The following LYG2 variants were observed in gnomAD, a reference collection of about 807,000 sequenced individuals.
LYG2 encodes the protein lysozyme g-like protein 2.
A neutral mutation model predicts 22.4 loss-of-function variants in LYG2; 25 were observed. The ratio of observed to expected loss-of-function variants is 1.12; its 90% CI spans 0.81 to 1.56. LYG2 has a LOEUF of 1.56. Ranked by LOEUF, LYG2 falls within the 40% of genes most tolerant of loss-of-function variation. The pLI is 0.00. For synonymous variants in LYG2, 88 were observed against 97.0 expected (o/e 0.91, Z 0.55); for missense variants, 266 against 269.5 (o/e 0.99, Z 0.09).
chr2:99,245,195 C>G, intron 5 of LYG2, 67 bp downstream of exon 5: 1 of 1,455,990 alleles, frequency 6.9e-7, no homozygotes, highest in Non-Finnish European at 9.1e-7. Context: ...AAATGGATTT[C>G]TAGTTCAGGT....
At chr2:99,248,607 T>G (rs2094020652) in intron 3 of LYG2, among the ~76,000 whole-genome samples, 1 of 138,196 alleles carries the variant, frequency 7.2e-6, no homozygotes, top group East Asian at 2.5e-4. Flanking sequence ...GGGGGAGGGA[T>G]AGCATTAGGA....
chr2:99,245,302 T>C lies in LYG2; in HGVS notation c.341A>G (p.Asp114Gly), dbSNP rs755392430. The change falls in exon 5 of 7, where the codon GAC becomes GGC. Residue 114 changes from aspartate (D) to glycine (G), a missense_variant. Asp to Gly is a moderately conservative substitution (Grantham distance 94). Coordinates refer to ENST00000333017, the MANE Select transcript of LYG2 (RefSeq NM_175735.4). ...TTTAAGTCCCCTGTGGTCCCAGCCG[T>C]CTTGCAGGACAGATCCGCCATGGCT... ...RESHGGSVLQ[D>G]GWDHRGLKFG... 8 of 1,609,864 alleles carry C rather than the reference T, an allele frequency of 5.0e-6. No individual in the cohort carries two copies. Among genetic ancestry groups the C allele is most frequent in the Non-Finnish European group, 5.9e-6 (7 of 1,177,994 alleles).
In LYG2 at chr2:99,242,401, A is replaced by G. The variant is rs199699326; in HGVS notation, c.602T>C (p.Ile201Thr). ...DIDNDFVNDI[I>T]ARAKFYKRQS... ...TCTTTTATAGAACTTAGCTCGAGCA[A>G]TGATATCATTGACGAAGTCATTGTC... Residue 201 changes from isoleucine to threonine, a missense_variant, in exon 7 of 7, where the codon ATT (isoleucine) becomes ACT (threonine). Physicochemically the swap from Ile to Thr is moderately conservative, Grantham distance 89. Coordinates refer to ENST00000333017, the MANE Select transcript of LYG2 (RefSeq NM_175735.4). 2.0e-5 allele frequency: 33 copies of G among 1,613,792 alleles called. No homozygotes were observed. The East Asian group carries it at 6.5e-4, about 32-fold the overall frequency.
Position 99,244,114 on chromosome 2 carries a change from A to C in LYG2, c.405T>G (p.Pro135=). The change falls in exon 6 of 7, where the codon CCT becomes CCG. Residue 135 remains proline (P), a synonymous_variant. Transcript: ENST00000333017. ...GCTCTTTGCTATCCCAGGCACCGAC[A>C]GGGTGGTACGTTTGTTTATCAAGCT... is the stretch of plus-strand genomic sequence containing the variant. ...LMQLDKQTYH[P]VGAWDSKEHL... The C allele has an allele frequency of 3.7e-6, 6 of 1,613,778 alleles. No individual in the cohort carries two copies. Among genetic ancestry groups the C allele is most frequent in the Non-Finnish European group, 5.1e-6 (6 of 1,179,902 alleles).
intron 6 of LYG2, chr2:99,243,693 CTTTTTTTTTTT>C (rs999579137): frequency 1.3e-4 from 20 of 157,102 alleles, no homozygotes; most frequent in Middle Eastern, 3.0e-3. Context: ...CCATGCCCAG[CTTTTTTTTTTT>C]TTTTTTTTTT....
At chr2:99,261,475 G>A in the LYG2 span, among the ~76,000 whole-genome samples, 1 of 152,182 alleles carries the variant, frequency 6.6e-6, no homozygotes, top group African/African-American at 2.4e-5. Context: ...GCTTCCTGCA[G>A]TCTTGATTTC....
chr2:99,246,495 TG>T (rs1348155122), intron 4 of LYG2, among the ~76,000 whole-genome samples, 184 bp downstream of exon 4: 3 of 152,152 alleles, frequency 2.0e-5, no homozygotes, highest in African/African-American at 7.2e-5. Flanking sequence ...TTGGAAAGAA[TG>T]GGGGTGGAAA....
intron 3 of LYG2, among the ~76,000 whole-genome samples, chr2:99,250,254 T>C (rs2094023665): frequency 6.6e-6 from 1 of 152,012 alleles, no homozygotes; most frequent in Non-Finnish European, 1.5e-5. Context: ...CAGCAGAATA[T>C]ATAGCGAGTT....
upstream of LYG2, among the ~76,000 whole-genome samples, chr2:99,258,245 A>G (rs2094040120): frequency 6.6e-6 from 1 of 152,236 alleles, no homozygotes. Context: ...CATCTGTAAA[A>G]TGGAGATGAT....
At chr2:99,245,155 C>T (rs997215881) in intron 5 of LYG2, 107 bp downstream of exon 5, 98 of 1,262,740 alleles carry the variant, frequency 7.8e-5, no homozygotes, top group Non-Finnish European at 1.0e-4. Flanking sequence ...TAGCCAGATG[C>T]CAGGGTATTT....
the LYG2 span, among the ~76,000 whole-genome samples, chr2:99,261,365 A>C: frequency 6.6e-6 from 1 of 152,042 alleles, no homozygotes; most frequent in Non-Finnish European, 1.5e-5. Flanking sequence ...CTCTTACCTT[A>C]CCTCTAACTC....
In LYG2 at chr2:99,245,457, C is replaced by T. The variant is rs142190861; in HGVS notation, c.186G>A (p.Gly62=). ...CAGCAAACATTTCAGAACCACGGAT[C>T]CCTACGTCAATAGAAAAGAAACTGT... ...TCDANSVMNC[G]IRGSEMFAEM... is the part of the protein sequence containing the mutation. Residue 62 remains glycine (G), a splice_region_variant and synonymous_variant, in exon 5 of 7, where the codon GGG becomes GGA. Transcript: ENST00000333017. The T allele has an allele frequency of 3.8e-6, 6 of 1,586,912 alleles. No individual in the cohort carries two copies. Among genetic ancestry groups the T allele is most frequent in the South Asian group, 2.3e-5 (2 of 88,660 alleles).
At position 99,245,251 on chromosome 2, in the gene LYG2, T is replaced by C. The variant is rs1419875283; in HGVS notation, c.381+11A>G. The C allele has an allele frequency of 6.3e-7, 1 of 1,580,544 alleles. No homozygotes were observed. Among genetic ancestry groups the C allele is most frequent in the Non-Finnish European group, 8.6e-7 (1 of 1,160,682 alleles). Reference sequence around the variant, plus strand: ...TGCAGTGGGGCTGATAGAAAGTTTCTAGCTAAATACCTGCATCAAGCCAAA... The same window carrying C: ...TGCAGTGGGGCTGATAGAAAGTTTCCAGCTAAATACCTGCATCAAGCCAAA... On this transcript the variant is annotated intron_variant, in intron 5 of 6. Transcript: ENST00000333017.
chr2:99,245,204 G>A lies in LYG2; in HGVS notation c.381+58C>T, dbSNP rs1200041978. 70 of 1,481,010 alleles carry A rather than the reference G, an allele frequency of 4.7e-5. No individual in the cohort carries two copies. The East Asian group carries it at 1.6e-3, about 34-fold the overall frequency. The allele number at this position is 1,481,010 out of a possible 1,614,324, so 91.7% of individuals were successfully genotyped here. On this transcript the variant is annotated intron_variant, in intron 5 of 6. Coordinates refer to ENST00000333017, the MANE Select transcript of LYG2 (RefSeq NM_175735.4). ...CACTGCAAATGGATTTCTAGTTCAG[G>A]TTGAGCTTCTGTGAGGAGGGATGCA... is the stretch of plus-strand genomic sequence containing the variant.
chr2:99,253,717 C>T (rs2094031212), intron 3 of LYG2, among the ~76,000 whole-genome samples: 1 of 152,152 alleles, frequency 6.6e-6, no homozygotes, highest in Admixed American at 6.5e-5. Context: ...GCAGGCTCTT[C>T]CTTTTTCTTA....
chr2:99,244,215 G>A lies in LYG2; in HGVS notation c.382-78C>T. On this transcript the variant is annotated intron_variant, in intron 5 of 6. Coordinates refer to ENST00000333017, the MANE Select transcript of LYG2 (RefSeq NM_175735.4). ...CTGCCATTCCTAATTTCCTCTCCTGGTATTCAAGTCATAGATACCGGCCTT... is the reference window on the plus strand; with the variant it reads ...CTGCCATTCCTAATTTCCTCTCCTGATATTCAAGTCATAGATACCGGCCTT... The A allele has an allele frequency of 2.1e-6, 3 of 1,450,330 alleles. No individual in the cohort carries two copies. In the South Asian group the frequency reaches 3.9e-5, roughly 19 times the overall value. The allele number at this position is 1,450,330 out of a possible 1,614,324, so 89.8% of individuals were successfully genotyped here.
intron 6 of LYG2, chr2:99,243,354 C>G (rs2094009625): frequency 1.5e-6 from 2 of 1,365,248 alleles, no homozygotes; most frequent in Non-Finnish European, 2.0e-6. Context: ...GGCCTGTGGT[C>G]AGCCAAGCAG....
At chr2:99,242,550 C>T in intron 6 of LYG2, 68 bp from the exon 7 acceptor site, 3 of 1,066,376 alleles carry the variant, frequency 2.8e-6, no homozygotes, top group Non-Finnish European at 4.2e-6. Flanking sequence ...TGAGCATTGC[C>T]AAGATGTTAG....
At chr2:99,247,463 G>C (rs1367224159) in intron 3 of LYG2, among the ~76,000 whole-genome samples, 1 of 151,514 alleles carries the variant, frequency 6.6e-6, no homozygotes, top group South Asian at 2.1e-4. Context: ...TAAGATTCAG[G>C]GGGTACATGT....
Sources: allele counts gnomAD v4.1 joint callset (sites outside exome capture counted in the v4.1 genomes callset), GRCh38; gene constraint gnomAD v4.1.1; transcripts MANE v1.5; gene names NCBI Gene and HGNC (gene_info 2026-07-23, HGNC 2026-07-21).